The following SYT5 variants were observed in gnomAD, a reference collection of about 807,000 sequenced individuals.
SYT5 encodes synaptotagmin 5.
SYT5 carries 29 observed loss-of-function variants against 36.0 expected under a neutral mutation model. The observed-to-expected ratio is 0.81, with a 90% CI of 0.60 to 1.10. The LOEUF is 1.10. SYT5 is among the 50% of genes least tolerant of loss of function. The pLI is 0.00. For synonymous variants in SYT5, 231 were observed against 227.6 expected (o/e 1.02, Z -0.14); for missense variants, 512 against 516.0 (o/e 0.99, Z 0.08).
rs1443780169 is a variant in SYT5 at position 55,179,190 on chromosome 19, A to C, written c.-45-104T>G. On this transcript the variant is annotated intron_variant, in intron 1 of 8. Transcript: ENST00000354308. This position sits in a 1 kb window ranked among gnomAD's most constrained non-coding sequence, Gnocchi z 4.5. ...GCGAACAGCCGCGCAGAAACCGGAC[A>C]GCCACCGCGAGTCATGCTGGGAGTT... 1 of 1,533,084 alleles carries C rather than the reference A, an allele frequency of 6.5e-7. No homozygotes were observed. Among genetic ancestry groups the C allele is most frequent in the Admixed American group, 2.0e-5 (1 of 50,414 alleles). 95.0% of individuals were successfully genotyped at this position (1,533,084 alleles called of 1,614,324 possible).
At position 55,174,500 on chromosome 19, in the gene SYT5, G is replaced by C. The variant is rs376772589; in HGVS notation, c.960+17C>G. On this transcript the variant is annotated intron_variant, in intron 8 of 8. Transcript: ENST00000354308. ...CTAAAGGTCTGGGCTCTTGGAGAAG[G>C]GCAGGTTTGAGCTCACCTGGACTTG... The C allele has an allele frequency of 8.1e-5, 130 of 1,612,306 alleles. No individual in the cohort carries two copies. In the African/African-American group the frequency reaches 1.5e-3, roughly 19 times the overall value.
rs1252993688 is a variant in SYT5 at position 55,174,595 on chromosome 19, TTTC to T, written c.879_881del (p.Lys294del). 6.2e-7 allele frequency: 1 copy of T among 1,614,088 alleles called. No individual in the cohort carries two copies. Among genetic ancestry groups the T allele is most frequent in the Admixed American group, 1.7e-5 (1 of 60,012 alleles). On this transcript the variant is annotated inframe_deletion, in exon 8 of 9. Coordinates refer to ENST00000354308, the MANE Select transcript of SYT5 (RefSeq NM_003180.3). ...TCAGAGTGTTCTTCTTGATGGTGGT[TTTC>T]TTCTTCCGCACCTTTTTGCCGCCCT...
chr19:55,179,390 C>T lies in SYT5; in HGVS notation c.-45-304G>A, dbSNP rs1438301180. On this transcript the variant is annotated intron_variant, in intron 1 of 8. Transcript: ENST00000354308. This position sits in a 1 kb window ranked among gnomAD's most constrained non-coding sequence, Gnocchi z 4.5. ...AAGGCAGACGTGGGAACCAGCAGAC[C>T]GCGTTGCCCAGAGCAACAGCCGGGC... The T allele has an allele frequency of 3.4e-6, 2 of 591,798 alleles. No homozygotes were observed. Among genetic ancestry groups the T allele is most frequent in the Non-Finnish European group, 5.2e-6 (2 of 381,698 alleles). The allele number at this position is 591,798 out of a possible 1,614,324, so 36.7% of individuals were successfully genotyped here. A position where few individuals can be genotyped will look rare whatever the true frequency, so the allele number is the denominator to read the frequency against.
chr19:55,173,737 C>T lies in SYT5; in HGVS notation c.961-53G>A. ...AGAGGAGCGTGAGGGGAGGAGGCCC[C>T]GGAAGGGGCGGTGTCCGTTTTCACG... On this transcript the variant is annotated intron_variant, in intron 8 of 8. Transcript: ENST00000354308. This position sits in a 1 kb window ranked among gnomAD's most constrained non-coding sequence, Gnocchi z 5.4. 3 of 1,297,936 alleles carry T rather than the reference C, an allele frequency of 2.3e-6. No homozygotes were observed. Among genetic ancestry groups the T allele is most frequent in the Non-Finnish European group, 3.0e-6 (3 of 1,015,374 alleles). 80.4% of individuals were successfully genotyped at this position (1,297,936 alleles called of 1,614,324 possible). A position where few individuals can be genotyped will look rare whatever the true frequency, so the allele number is the denominator to read the frequency against.
chr19:55,171,667 C>T lies in SYT5; in HGVS notation c.*1817G>A, dbSNP rs918428276. The T allele has an allele frequency of 6.6e-6, 1 of 152,084 alleles. No homozygotes were observed. Among genetic ancestry groups the T allele is most frequent in the Non-Finnish European group, 1.5e-5 (1 of 68,038 alleles). The allele number at this position is 152,084 out of a possible 1,614,324, so 9.4% of individuals were successfully genotyped here. ...TAGAAACAGAGTAGGAGGCAGCATT[C>T]GTTGAAAGAACAATGAGGTCAGATG... On this transcript the variant is annotated 3_prime_UTR_variant, in exon 9 of 9. Transcript: ENST00000354308.
intron 3 of SYT5, among the ~76,000 whole-genome samples, chr19:55,177,767 G>T (rs2086092888): frequency 6.6e-6 from 1 of 152,118 alleles, no homozygotes; most frequent in South Asian, 2.1e-4. Flanking sequence ...TGTTGCCCAG[G>T]CTAGTCTTGA....
rs2086075863 is a variant in SYT5 at position 55,176,225 on chromosome 19, C to G, written c.253-101G>C. 5 of 1,534,396 alleles carry G rather than the reference C, an allele frequency of 3.3e-6. No homozygotes were observed. The South Asian group carries it at 5.8e-5, about 18-fold the overall frequency. ...GGCTCACAGGTCCCTTGGGCTATACCTGAGCTCTCACAGGCTAAGCAGATT... is the reference window on the plus strand; with the variant it reads ...GGCTCACAGGTCCCTTGGGCTATACGTGAGCTCTCACAGGCTAAGCAGATT... On this transcript the variant is annotated intron_variant, in intron 3 of 8. Transcript: ENST00000354308.
At chr19:55,177,899 G>A (rs1467133344) in intron 3 of SYT5, among the ~76,000 whole-genome samples, 2 of 152,206 alleles carry the variant, frequency 1.3e-5, no homozygotes, top group African/African-American at 4.8e-5. Context: ...TATACAGTGG[G>A]ATGCCTTTTC....
In SYT5 at chr19:55,179,493, A is replaced by T. The variant is rs2086123148; in HGVS notation, c.-45-407T>A. On this transcript the variant is annotated intron_variant, in intron 1 of 8. Coordinates refer to ENST00000354308, the MANE Select transcript of SYT5 (RefSeq NM_003180.3). The surrounding 1 kb of genome is among the most constrained non-coding windows in gnomAD (Gnocchi z 4.5). Reference sequence around the variant, plus strand: ...CCAGGACAACGGGCGGGGCTGACGCACAGACGCGGAGTCCCGGCGGGGCAG... The same window carrying T: ...CCAGGACAACGGGCGGGGCTGACGCTCAGACGCGGAGTCCCGGCGGGGCAG... The T allele has an allele frequency of 3.3e-6, 1 of 306,100 alleles. No individual in the cohort carries two copies. The highest frequency in any genetic ancestry group is 2.2e-5 in the African/African-American group (1 of 46,408). 19.0% of individuals were successfully genotyped at this position (306,100 alleles called of 1,614,324 possible).
chr19:55,178,816 G>C, intron 2 of SYT5, 147 bp downstream of exon 2: 2 of 256,874 alleles, frequency 7.8e-6, no homozygotes, highest in Non-Finnish European at 1.1e-5. Context: ...ACCCCATTTC[G>C]TTCGCATTCC....
chr19:55,179,346 T>C lies in SYT5; in HGVS notation c.-45-260A>G. 1 of 1,048,822 alleles carries C rather than the reference T, an allele frequency of 9.5e-7. No homozygotes were observed. Among genetic ancestry groups the C allele is most frequent in the Non-Finnish European group, 1.3e-6 (1 of 789,758 alleles). The allele number at this position is 1,048,822 out of a possible 1,614,324, so 65.0% of individuals were successfully genotyped here. A position where few individuals can be genotyped will look rare whatever the true frequency, so the allele number is the denominator to read the frequency against. ...GCCTCGTCCTCGCCCCTCCGCAGGG[T>C]CTGAACCGGAAGCGGGCGAAGGCAG... On this transcript the variant is annotated intron_variant, in intron 1 of 8. Coordinates refer to ENST00000354308, the MANE Select transcript of SYT5 (RefSeq NM_003180.3). The surrounding 1 kb of genome is among the most constrained non-coding windows in gnomAD (Gnocchi z 4.5).
intron 2 of SYT5, 26 bp downstream of exon 2, chr19:55,178,937 G>T: frequency 6.8e-7 from 1 of 1,468,932 alleles, no homozygotes; most frequent in South Asian, 1.4e-5. Flanking sequence ...TCTCTGCTCG[G>T]CCCCCCACCC....
intron 2 of SYT5, among the ~76,000 whole-genome samples, chr19:55,178,602 G>C (rs996233642): frequency 6.6e-6 from 1 of 151,658 alleles, no homozygotes; most frequent in African/African-American, 2.4e-5. Context: ...TTCCTTACCC[G>C]ACCCCGCCCC....
chr19:55,178,087 A>AGACACACAGGG (rs2086096933), intron 3 of SYT5, 109 bp downstream of exon 3: 25 of 1,259,250 alleles, frequency 2.0e-5, no homozygotes, highest in Non-Finnish European at 2.7e-5. Context: ...ATGAGCCAGT[A>AGACACACAGGG]AGGTGGGTTC....
intron 8 of SYT5, chr19:55,174,075 G>A (rs554836604): frequency 7.6e-5 from 16 of 210,320 alleles, no homozygotes; most frequent in African/African-American, 3.5e-4. Flanking sequence ...ACGTTCCTGA[G>A]GAGGGCGGGG....
intron 2 of SYT5, 118 bp downstream of exon 2, chr19:55,178,845 G>A (rs1277730422): frequency 8.9e-7 from 1 of 1,119,848 alleles, no homozygotes. Context: ...ATGACGACCC[G>A]GGATCCCAGC....
intron 2 of SYT5, 25 bp downstream of exon 2, chr19:55,178,937 GC>G: frequency 2.7e-6 from 4 of 1,468,908 alleles, no homozygotes; most frequent in African/African-American, 1.4e-5. Flanking sequence ...TCTCTGCTCG[GC>G]CCCCCACCCC....
At position 55,178,372 on chromosome 19, in the gene SYT5, C is replaced by G; in HGVS notation, c.80-4G>C. The G allele has an allele frequency of 6.2e-7, 1 of 1,608,462 alleles. No homozygotes were observed. The highest frequency in any genetic ancestry group is 8.5e-7 in the Non-Finnish European group (1 of 1,178,230). ...GTGGCCAGGGCCCAGGGGGGCACTG[C>G]AGAGGGGTGGAGACAACACACATTG... On this transcript the variant is annotated splice_polypyrimidine_tract_variant and splice_region_variant and intron_variant, in intron 2 of 8. Transcript: ENST00000354308.
Position 55,175,210 on chromosome 19 carries a change from G to T in SYT5, c.670C>A (p.Gln224Lys). 6.2e-7 allele frequency: 1 copy of T among 1,610,208 alleles called. No homozygotes were observed. The highest frequency in any genetic ancestry group is 8.5e-7 in the Non-Finnish European group (1 of 1,178,584). The change falls in exon 6 of 9, where the codon CAG becomes AAG. Residue 224 changes from glutamine to lysine, a missense_variant. By Grantham distance (53) the Gln-to-Lys change is moderately conservative. Transcript: ENST00000354308. The surrounding 1 kb of genome is among the most constrained non-coding windows in gnomAD (Gnocchi z 4.5). ...GCCGCCTGCAGCTCCCGCCAGGCCT[G>T]CACTGGCCGCCCCAGGTCCACGGAG... The part of the protein sequence containing the change: ...MSSVDLGRPV[Q>K]AWRELQAAPR...
Sources: gnomAD v4.1 joint callset for allele counts (sites outside exome capture counted in the v4.1 genomes callset) on GRCh38, gnomAD v4.1.1 for gene constraint, Gnocchi (gnomAD v3.1) non-coding constraint, MANE v1.5 for transcripts, NCBI Gene and HGNC (gene_info 2026-07-23, HGNC 2026-07-21) for gene names.